Variants in PLXNA4 observed in about 807,000 individuals in gnomAD.
PLXNA4 encodes the protein plexin A4.
In PLXNA4, 44 loss-of-function variants were observed where a neutral mutation model predicts 191.8. The observed-to-expected ratio is 0.23, with a 90% CI of 0.18 to 0.29. The LOEUF is 0.29. PLXNA4 is among the 10% of genes least tolerant of loss of function. The pLI is 1.00. For missense variants in PLXNA4, 1,800 were observed against 2,488.8 expected (o/e 0.72, Z 5.89); for synonymous variants, 1,082 against 1,009.5 (o/e 1.07, Z -1.36).
intron 4 of PLXNA4, chr7:132,264,234 TGAAGGAATCCA>T (rs1799761254): frequency 6.6e-6 from 1 of 152,254 alleles, no homozygotes; most frequent in Non-Finnish European, 1.5e-5. Flanking sequence ...GTAATTGCTA[TGAAGGAATCCA>T]TATCCCATCA....
chr7:132,390,052 C>G (rs978199699), intron 3 of PLXNA4, among the ~76,000 whole-genome samples: 1 of 152,176 alleles, frequency 6.6e-6, no homozygotes, highest in East Asian at 1.9e-4. Context: ...TTTGACCCAG[C>G]AATCCCATCA....
intron 3 of PLXNA4, 26 bp downstream of exon 3, chr7:132,489,266 C>A: frequency 6.4e-7 from 1 of 1,559,644 alleles, no homozygotes; most frequent in Non-Finnish European, 8.8e-7. Flanking sequence ...TTCACAGTAA[C>A]CAAAAGTACT....
chr7:132,595,720 C>T (rs1802697667), intron 2 of PLXNA4, among the ~76,000 whole-genome samples: 1 of 152,162 alleles, frequency 6.6e-6, no homozygotes, highest in African/African-American at 2.4e-5. Flanking sequence ...AAAGAAGCTG[C>T]CATTCTTTCT....
chr7:132,637,219 G>A (rs1232400555), intron 2 of PLXNA4, among the ~76,000 whole-genome samples: 1 of 152,006 alleles, frequency 6.6e-6, no homozygotes, highest in Non-Finnish European at 1.5e-5. Flanking sequence ...ACCACAATTT[G>A]TATGCACAAT....
upstream of PLXNA4, chr7:132,576,988 C>G (rs1802272722): frequency 1.4e-5 from 2 of 146,048 alleles, no homozygotes; most frequent in South Asian, 2.1e-4. The surrounding 1 kb of genome is among the most constrained non-coding windows in gnomAD (Gnocchi z 5.8). Flanking sequence ...CCCCGGCAGC[C>G]CGCGGCCGGC....
At chr7:132,519,746 A>G (rs1490997415) in intron 1 of PLXNA4, among the ~76,000 whole-genome samples, 1 of 152,222 alleles carries the variant, frequency 6.6e-6, no homozygotes, top group Non-Finnish European at 1.5e-5. Flanking sequence ...ACAGCCAGTC[A>G]TGCATCAGCC....
At chr7:132,645,209 C>G (rs1346220637) in intron 2 of PLXNA4, among the ~76,000 whole-genome samples, 1 of 152,214 alleles carries the variant, frequency 6.6e-6, no homozygotes, top group Non-Finnish European at 1.5e-5. Flanking sequence ...TGGTTTGGCT[C>G]TGTGTCCCCA....
rs1374818339 is a variant in PLXNA4 at position 132,181,548 on chromosome 7, A to G, written c.3325T>C (p.Ser1109Pro). The G allele has an allele frequency of 6.2e-7, 1 of 1,614,138 alleles. No individual in the cohort carries two copies. The highest frequency in any genetic ancestry group is 8.5e-7 in the Non-Finnish European group (1 of 1,180,022). ...PALALGPDHQSDLTERPEEFG... is the reference protein window; with the variant it reads ...PALALGPDHQPDLTERPEEFG... ...TCCTCGGGCCTCTCGGTCAGGTCTG[A>G]CTGGTGGTCAGGACCCAGAGCGAGG... is the stretch of plus-strand genomic sequence containing the variant. The change falls in exon 18 of 32, where the codon TCA (serine) becomes CCA (proline). Residue 1109 changes from serine to proline, a missense_variant. Transcript: ENST00000321063.
At chr7:132,146,065 A>G in intron 28 of PLXNA4, among the ~76,000 whole-genome samples, 1 of 141,778 alleles carries the variant, frequency 7.1e-6, no homozygotes. Flanking sequence ...GGGTGACAGA[A>G]CAAGACTCTG....
intron 31 of PLXNA4, among the ~76,000 whole-genome samples, chr7:132,131,783 G>A (rs1001355816): frequency 4.6e-5 from 7 of 152,222 alleles, no homozygotes; most frequent in African/African-American, 1.7e-4. Context: ...CGCAGGCAGG[G>A]GAAAACTCTG....
intron 3 of PLXNA4, among the ~76,000 whole-genome samples, chr7:132,448,683 A>T (rs1019362931): frequency 6.6e-6 from 1 of 152,174 alleles, no homozygotes; most frequent in African/African-American, 2.4e-5. Context: ...GAAAGCAGTT[A>T]TTGTTTCTTG....
chr7:132,580,127 T>C (rs1467920855), upstream of PLXNA4, among the ~76,000 whole-genome samples: 1 of 152,164 alleles, frequency 6.6e-6, no homozygotes, highest in African/African-American at 2.4e-5. Context: ...ATTAATGTGC[T>C]TTGAAACTCT....
At chr7:132,249,572 G>A (rs1178619005) in intron 4 of PLXNA4, among the ~76,000 whole-genome samples, 2 of 152,210 alleles carry the variant, frequency 1.3e-5, no homozygotes, top group Non-Finnish European at 2.9e-5. Context: ...TTATTAGCCA[G>A]ACCCCTTGCC....
chr7:132,286,274 T>G lies in PLXNA4; in HGVS notation c.1503+11817A>C, dbSNP rs73496858. Among the ~76,000 whole-genome samples the G allele has an allele frequency of 3.1e-3, 471 of 152,264 alleles. 2 individuals are homozygous for G. Among genetic ancestry groups the G allele is most frequent in the African/African-American group, 0.011 (451 of 41,548 alleles). ...GCAGTGGGCGCTTACTAAACAGACA[T>G]GGTGGGACAGGAGCTGGAAGCTAGC... is the stretch of plus-strand genomic sequence containing the variant. On this transcript the variant is annotated intron_variant, in intron 4 of 31. Coordinates refer to ENST00000321063, the MANE Select transcript of PLXNA4 (RefSeq NM_020911.2).
intron 1 of PLXNA4, among the ~76,000 whole-genome samples, chr7:132,541,555 T>C (rs957302749): frequency 6.6e-6 from 1 of 152,274 alleles, no homozygotes; most frequent in South Asian, 2.1e-4. Flanking sequence ...GTAGAGGTTT[T>C]TTCGTTGTTT....
chr7:132,536,220 G>A (rs1799825854), intron 1 of PLXNA4, among the ~76,000 whole-genome samples: 1 of 152,156 alleles, frequency 6.6e-6, no homozygotes. Context: ...TGCTGTATTG[G>A]TGTTTGCGGT....
At chr7:132,531,782 T>G (rs6467439) in intron 1 of PLXNA4, among the ~76,000 whole-genome samples, 68,623 of 152,070 alleles carry the variant, frequency 0.45, 15,965 homozygotes, top group Admixed American at 0.55. Context: ...CATTCTTGCC[T>G]GGAGTGATTC....
At chr7:132,382,239 G>A (rs571974969) in intron 3 of PLXNA4, among the ~76,000 whole-genome samples, 1 of 152,286 alleles carries the variant, frequency 6.6e-6, no homozygotes, top group Non-Finnish European at 1.5e-5. Flanking sequence ...AGGGTTAAGA[G>A]CACAGCCAAT....
chr7:132,554,761 G>A (rs1800714746), intron 1 of PLXNA4, among the ~76,000 whole-genome samples: 1 of 152,134 alleles, frequency 6.6e-6, no homozygotes, highest in South Asian at 2.1e-4. Context: ...GCTGAGATGG[G>A]CAGTGTTCAT....
Sources: allele counts gnomAD v4.1 joint callset (sites outside exome capture counted in the v4.1 genomes callset), GRCh38; gene constraint gnomAD v4.1.1; non-coding constraint Gnocchi (gnomAD v3.1); transcripts MANE v1.5; gene names NCBI Gene and HGNC (gene_info 2026-07-23, HGNC 2026-07-21).